Variants in PPP1R14C observed in about 807,000 individuals in gnomAD.
PPP1R14C encodes protein phosphatase 1 regulatory subunit 14C.
A neutral mutation model predicts 20.4 loss-of-function variants in PPP1R14C; 16 were observed. The ratio of observed to expected loss-of-function variants is 0.78; its 90% CI spans 0.53 to 1.19. The LOEUF is 1.19. Among genes scored for constraint, PPP1R14C ranks in the 50% most tolerant of loss-of-function variants. PPP1R14C has a pLI of 0.00. For missense variants in PPP1R14C, 211 were observed against 220.1 expected, an observed-to-expected ratio of 0.96 and a Z score of 0.26; for synonymous variants, 91 against 91.0, an observed-to-expected ratio of 1.00 and a Z score of 0.00.
intron 3 of PPP1R14C, among the ~76,000 whole-genome samples, chr6:150,237,846 G>A (rs184079375): frequency 4.6e-5 from 7 of 152,274 alleles, no homozygotes; most frequent in Admixed American, 3.9e-4. Context: ...TACCATGTGT[G>A]GTATGTATTG....
In PPP1R14C at chr6:150,143,060, TG is replaced by T; in HGVS notation, c.-130del. On this transcript the variant is annotated 5_prime_UTR_variant, in exon 1 of 4. Coordinates refer to ENST00000361131, the MANE Select transcript of PPP1R14C (RefSeq NM_030949.3). The surrounding 1 kb of genome is among the most constrained non-coding windows in gnomAD (Gnocchi z 5.6). ...CGCCCTCCCAGAGCAGCCGGGCGGC[TG>T]GGCGCGCGCGGCGCAGAGCAGGTGC... 1 of 1,076,902 alleles carries T rather than the reference TG, an allele frequency of 9.3e-7. No individual in the cohort carries two copies. Among genetic ancestry groups the T allele is most frequent in the Non-Finnish European group, 1.1e-6 (1 of 893,342 alleles). The allele number at this position is 1,076,902 out of a possible 1,614,324, so 66.7% of individuals were successfully genotyped here. A position where few individuals can be genotyped will look rare whatever the true frequency, so the allele number is the denominator to read the frequency against.
intron 1 of PPP1R14C, among the ~76,000 whole-genome samples, chr6:150,151,938 G>T (rs1199189361): frequency 1.3e-5 from 2 of 151,882 alleles, no homozygotes; most frequent in Admixed American, 1.3e-4. Flanking sequence ...GGCTAAAAAG[G>T]TGAAACCCCG....
chr6:150,237,344 C>T (rs995100139), intron 3 of PPP1R14C, among the ~76,000 whole-genome samples: 3 of 152,162 alleles, frequency 2.0e-5, no homozygotes, highest in African/African-American at 4.8e-5. Flanking sequence ...GCTGGGATTA[C>T]AGGCATGTGC....
intron 1 of PPP1R14C, among the ~76,000 whole-genome samples, chr6:150,176,958 G>A (rs139534728): frequency 6.7e-4 from 102 of 152,324 alleles, no homozygotes; most frequent in African/African-American, 2.3e-3. Flanking sequence ...CCAGTGATCC[G>A]GCCTCCCCCT....
intron 3 of PPP1R14C, among the ~76,000 whole-genome samples, chr6:150,217,123 G>C (rs939872603): frequency 2.0e-5 from 3 of 151,984 alleles, no homozygotes; most frequent in Non-Finnish European, 4.4e-5. Flanking sequence ...ATTGTGAAAG[G>C]GTTTGGAATC....
rs1331854254 is a variant in PPP1R14C, at chr6:150,206,046, G to A, written c.307-8698G>A. On this transcript the variant is annotated intron_variant, in intron 1 of 3. Transcript: ENST00000361131. The stretch of plus-strand genomic sequence containing the variant: ...TACAGGGGCCTCTGAGTCTCCACAT[G>A]CTCTGTCCCTTCCCCCACCATGGCC... Among the ~76,000 whole-genome samples, 3 of 152,028 alleles carry A rather than the reference G, an allele frequency of 2.0e-5. No homozygotes were observed. The East Asian group carries it at 5.8e-4, about 29-fold the overall frequency.
rs1462256874 is a variant in PPP1R14C, at chr6:150,201,798, A to C, written c.307-12946A>C. 1.3e-5 allele frequency among the ~76,000 whole-genome samples: 2 copies of C among 152,186 alleles called. No individual in the cohort carries two copies. The highest frequency in any genetic ancestry group is 2.4e-5 in the African/African-American group (1 of 41,446). ...TCACTAGGGGGGCAGTGGAGGTGGT[A>C]CAAAGTGCAGGTTCAGGAGACGGTA... On this transcript the variant is annotated intron_variant, in intron 1 of 3. Transcript: ENST00000361131. This position sits in a 1 kb window ranked among gnomAD's most constrained non-coding sequence, Gnocchi z 4.2.
intron 3 of PPP1R14C, among the ~76,000 whole-genome samples, chr6:150,218,834 T>C (rs1247488934): frequency 6.6e-6 from 1 of 152,170 alleles, no homozygotes; most frequent in Non-Finnish European, 1.5e-5. Flanking sequence ...TATTTTTTTA[T>C]AGAGACTGGG....
intron 1 of PPP1R14C, among the ~76,000 whole-genome samples, chr6:150,180,910 T>C (rs947848670): frequency 6.6e-6 from 1 of 152,202 alleles, no homozygotes; most frequent in Non-Finnish European, 1.5e-5. Context: ...TCTGCATAGT[T>C]GCTGGAAAAA....
At position 150,143,366 on chromosome 6, in the gene PPP1R14C, G is replaced by A. The variant is rs778643168; in HGVS notation, c.174G>A (p.Gln58=). The A allele has an allele frequency of 6.2e-7, 1 of 1,610,626 alleles. No homozygotes were observed. Among genetic ancestry groups the A allele is most frequent in the East Asian group, 2.2e-5 (1 of 44,606 alleles). The change falls in exon 1 of 4, where the codon CAG becomes CAA. Residue 58 remains glutamine (Q), a synonymous_variant. Transcript: ENST00000361131. This position sits in a 1 kb window ranked among gnomAD's most constrained non-coding sequence, Gnocchi z 5.6. ...TGGCCACGGCGGCCGCTGCAGGGCA[G>A]GTTCAGCAGCAACAGCAGCGGCGAC... The part of the protein sequence containing the change: ...APVATAAAAG[Q]VQQQQQRRHQ...
At chr6:150,198,493 C>T (rs1217784632) in intron 1 of PPP1R14C, among the ~76,000 whole-genome samples, 1 of 152,256 alleles carries the variant, frequency 6.6e-6, no homozygotes, top group Admixed American at 6.5e-5. Flanking sequence ...CCAGAATGTC[C>T]CATTCCTTGA....
chr6:150,197,398 C>T (rs929890702), intron 1 of PPP1R14C, among the ~76,000 whole-genome samples: 1 of 152,256 alleles, frequency 6.6e-6, no homozygotes, highest in Admixed American at 6.5e-5. Flanking sequence ...GGCCTCAGAG[C>T]TCTGGCTCCA....
rs148441420 is a variant in PPP1R14C, at chr6:150,200,065, G to A, written c.307-14679G>A. On this transcript the variant is annotated intron_variant, in intron 1 of 3. Transcript: ENST00000361131. ...CACACTTTAATTTTTGTCACACCTC[G>A]TGTAATCCCCTTGGTACTCTTTAAC... Among the ~76,000 whole-genome samples, 33 of 152,090 alleles carry A rather than the reference G, an allele frequency of 2.2e-4. No homozygotes were observed. The East Asian group carries it at 2.3e-3, about 11-fold the overall frequency.
chr6:150,143,503 C>T lies in PPP1R14C; in HGVS notation c.306+5C>T, dbSNP rs1390486710. 3 of 1,397,618 alleles carry T rather than the reference C, an allele frequency of 2.1e-6. No homozygotes were observed. The East Asian group carries it at 8.1e-5, about 38-fold the overall frequency. 86.6% of individuals were successfully genotyped at this position (1,397,618 alleles called of 1,614,324 possible). ...GGTCAGCTCTACGGCTGCGAGGTAC[C>T]TGGGCGCGGGGCTGGGAGGGTCGGG... On this transcript the variant is annotated splice_donor_5th_base_variant and intron_variant, in intron 1 of 3. Coordinates refer to ENST00000361131, the MANE Select transcript of PPP1R14C (RefSeq NM_030949.3). This position sits in a 1 kb window ranked among gnomAD's most constrained non-coding sequence, Gnocchi z 5.6.
At chr6:150,232,807 G>T (rs1233455978) in intron 3 of PPP1R14C, among the ~76,000 whole-genome samples, 2 of 152,144 alleles carry the variant, frequency 1.3e-5, no homozygotes, top group African/African-American at 4.8e-5. Context: ...CTTAATAAAG[G>T]TCCAATAAGT....
rs912913627 is a variant in PPP1R14C at position 150,249,288 on chromosome 6, G to A, written c.*468G>A. The A allele has an allele frequency of 1.3e-5, 5 of 398,966 alleles. No homozygotes were observed. Among genetic ancestry groups the A allele is most frequent in the Non-Finnish European group, 1.8e-5 (4 of 226,150 alleles). 24.7% of individuals were successfully genotyped at this position (398,966 alleles called of 1,614,324 possible). On this transcript the variant is annotated 3_prime_UTR_variant, in exon 4 of 4. Coordinates refer to ENST00000361131, the MANE Select transcript of PPP1R14C (RefSeq NM_030949.3). The stretch of plus-strand genomic sequence containing the variant: ...CAACTAAGTTAAAATGTTGATGTGA[G>A]TTTTATTTCACATGGATGGAATAAA...
intron 3 of PPP1R14C, among the ~76,000 whole-genome samples, chr6:150,227,869 C>A (rs1778247977): frequency 6.6e-6 from 1 of 152,168 alleles, no homozygotes; most frequent in African/African-American, 2.4e-5. Context: ...GGTTTATTAG[C>A]CAGAAACATG....
At chr6:150,168,482 G>A (rs916664513) in intron 1 of PPP1R14C, among the ~76,000 whole-genome samples, 8 of 152,172 alleles carry the variant, frequency 5.3e-5, no homozygotes, top group Non-Finnish European at 1.2e-4. Context: ...GCAGTGAGCC[G>A]AGATAGCGCC....
intron 1 of PPP1R14C, among the ~76,000 whole-genome samples, chr6:150,149,414 C>T (rs1777217836): frequency 6.7e-6 from 1 of 149,784 alleles, no homozygotes; most frequent in Admixed American, 6.6e-5. Context: ...CATCGTTGAC[C>T]ACCCAGGCTC....
Sources: allele counts gnomAD v4.1 joint callset (sites outside exome capture counted in the v4.1 genomes callset), GRCh38; gene constraint gnomAD v4.1.1; non-coding constraint Gnocchi (gnomAD v3.1); transcripts MANE v1.5; gene names NCBI Gene and HGNC (gene_info 2026-07-23, HGNC 2026-07-21).